PCDH9: variants seen among roughly 807,000 people sequenced by gnomAD.
The protein encoded by PCDH9 is protocadherin 9.
Under a neutral mutation model 70.6 loss-of-function variants are expected in PCDH9, and 24 were observed. The observed-to-expected ratio is 0.34, with a 90% CI of 0.25 to 0.48. PCDH9 has a LOEUF of 0.48. Among genes scored for constraint, PCDH9 ranks in the 20% least tolerant of loss-of-function variants. The probability of loss-of-function intolerance (pLI) is 0.99; values close to 1 mark genes in which losing one functional copy is unlikely to be tolerated. For synonymous variants in PCDH9, 562 were observed against 558.5 expected, an observed-to-expected ratio of 1.01 and a Z score of -0.09; for missense variants, 1,281 against 1,503.6, an observed-to-expected ratio of 0.85 and a Z score of 2.45.
intron 3 of PCDH9, among the ~76,000 whole-genome samples, chr13:66,806,841 T>C (rs2080418438): frequency 6.6e-6 from 1 of 152,208 alleles, no homozygotes; most frequent in Non-Finnish European, 1.5e-5. Flanking sequence ...AACTAGTATA[T>C]GCATAATAAA....
intron 3 of PCDH9, among the ~76,000 whole-genome samples, chr13:66,886,996 T>TTC (rs1163857377): frequency 2.0e-5 from 3 of 150,316 alleles, no homozygotes; most frequent in Non-Finnish European, 4.4e-5. Flanking sequence ...TTCTATTGTG[T>TTC]TCTCTCTCTC....
At chr13:66,792,428 G>C (rs1308156824) in intron 3 of PCDH9, among the ~76,000 whole-genome samples, 2 of 152,080 alleles carry the variant, frequency 1.3e-5, no homozygotes, top group Non-Finnish European at 2.9e-5. Context: ...CCAGCCCTTT[G>C]GGAGGCTGAG....
At chr13:66,351,990 C>A (rs1011597576) in intron 4 of PCDH9, among the ~76,000 whole-genome samples, 1 of 152,070 alleles carries the variant, frequency 6.6e-6, no homozygotes, top group African/African-American at 2.4e-5. Context: ...CATCAGCCAC[C>A]ACGCCCAGCT....
chr13:66,759,402 G>C (rs2079587277), intron 3 of PCDH9, among the ~76,000 whole-genome samples: 1 of 151,762 alleles, frequency 6.6e-6, no homozygotes, highest in South Asian at 2.1e-4. Flanking sequence ...TCTCTTTTTG[G>C]CAGCATATGG....
At chr13:67,167,425 C>T (rs2088149012) in intron 2 of PCDH9, among the ~76,000 whole-genome samples, 1 of 152,110 alleles carries the variant, frequency 6.6e-6, no homozygotes, top group African/African-American at 2.4e-5. Context: ...TTGATAAGGA[C>T]TATATCATAT....
At chr13:66,946,433 G>C (rs1156433466) in intron 2 of PCDH9, among the ~76,000 whole-genome samples, 1 of 152,088 alleles carries the variant, frequency 6.6e-6, no homozygotes, top group Non-Finnish European at 1.5e-5. Flanking sequence ...ACTTTGCAGG[G>C]CCAAGGCGGG....
At chr13:66,817,256 G>A (rs914643670) in intron 3 of PCDH9, among the ~76,000 whole-genome samples, 5 of 151,992 alleles carry the variant, frequency 3.3e-5, no homozygotes, top group African/African-American at 1.2e-4. Context: ...ATATTAATGA[G>A]GTCACAAAAT....
chr13:67,146,424 G>A (rs2087524999), intron 2 of PCDH9, among the ~76,000 whole-genome samples: 1 of 152,052 alleles, frequency 6.6e-6, no homozygotes. Context: ...AAATGTATTG[G>A]TATAATTTTG....
At chr13:67,064,455 A>C (rs911095015) in intron 2 of PCDH9, among the ~76,000 whole-genome samples, 7 of 152,230 alleles carry the variant, frequency 4.6e-5, no homozygotes, top group African/African-American at 1.4e-4. Flanking sequence ...GTATAAAATA[A>C]TAAGGAATAA....
intron 4 of PCDH9, among the ~76,000 whole-genome samples, chr13:66,544,426 T>C (rs903700479): frequency 6.6e-6 from 1 of 152,196 alleles, no homozygotes; most frequent in African/African-American, 2.4e-5. Flanking sequence ...ATGAAAGTGA[T>C]GCAGGCCAGG....
intron 3 of PCDH9, among the ~76,000 whole-genome samples, chr13:66,829,808 A>T (rs1378993655): frequency 6.8e-6 from 1 of 146,870 alleles, no homozygotes; most frequent in Non-Finnish European, 1.5e-5. Context: ...TCTATAATTT[A>T]TTTCAAAATA....
At chr13:66,703,600 T>C (rs1344872032) in intron 3 of PCDH9, among the ~76,000 whole-genome samples, 1 of 152,164 alleles carries the variant, frequency 6.6e-6, no homozygotes, top group Non-Finnish European at 1.5e-5. Context: ...TTAATTGAAA[T>C]TAAGAAAACA....
At chr13:67,132,476 CCAA>C (rs1454398705) in intron 2 of PCDH9, among the ~76,000 whole-genome samples, 1 of 152,072 alleles carries the variant, frequency 6.6e-6, no homozygotes, top group Non-Finnish European at 1.5e-5. Context: ...AGTGTATTTA[CCAA>C]CCGAAAGTGC....
intron 3 of PCDH9, among the ~76,000 whole-genome samples, chr13:66,814,860 A>G (rs936033698): frequency 6.6e-6 from 1 of 152,216 alleles, no homozygotes; most frequent in Non-Finnish European, 1.5e-5. Context: ...CAGAGATTTC[A>G]TGACAGGGAC....
intron 4 of PCDH9, among the ~76,000 whole-genome samples, chr13:66,421,971 A>G (rs1957576346): frequency 6.6e-6 from 1 of 152,226 alleles, no homozygotes; most frequent in African/African-American, 2.4e-5. Flanking sequence ...AAGATTTACC[A>G]AGAAAATGGA....
intron 2 of PCDH9, among the ~76,000 whole-genome samples, chr13:67,170,256 T>C (rs1340292778): frequency 1.3e-5 from 2 of 152,214 alleles, no homozygotes; most frequent in Non-Finnish European, 2.9e-5. Flanking sequence ...TGTATGCCAA[T>C]GTCCAAACTT....
intron 2 of PCDH9, among the ~76,000 whole-genome samples, chr13:66,960,289 T>C (rs2139723269): frequency 6.6e-6 from 1 of 152,318 alleles, no homozygotes; most frequent in South Asian, 2.1e-4. Flanking sequence ...GGCTTTAATT[T>C]TTTAAAGTGA....
Position 66,890,824 on chromosome 13 carries a change from C to T in PCDH9, c.3138+12680G>A, listed in dbSNP as rs148647766. ...CCACCTCTCTCATCTATTGCAGTAG[C>T]CTTGAATAAAATCTTCCTTGTCTGT... On this transcript the variant is annotated intron_variant, in intron 3 of 4. Coordinates refer to ENST00000377865, the MANE Select transcript of PCDH9 (RefSeq NM_203487.3). Among the ~76,000 whole-genome samples, 70 of 152,174 alleles carry T rather than the reference C, an allele frequency of 4.6e-4. No individual in the cohort carries two copies. The East Asian group carries it at 0.012, about 26-fold the overall frequency.
intron 3 of PCDH9, among the ~76,000 whole-genome samples, chr13:66,648,202 G>A (rs1336102970): frequency 6.6e-6 from 1 of 152,158 alleles, no homozygotes; most frequent in African/African-American, 2.4e-5. Flanking sequence ...TAGAGACTTG[G>A]GCAAACATAG....
Sources: allele counts gnomAD v4.1 joint callset (sites outside exome capture counted in the v4.1 genomes callset), GRCh38; gene constraint gnomAD v4.1.1; transcripts MANE v1.5; gene names NCBI Gene and HGNC (gene_info 2026-07-23, HGNC 2026-07-21).